Variants in NEUROD1 observed in about 807,000 individuals in gnomAD.
NEUROD1 encodes neuronal differentiation 1, also known as neurogenic differentiation factor 1.
NEUROD1 carries 9 observed loss-of-function variants against 21.8 expected under a neutral mutation model. The observed-to-expected ratio is 0.41, with a 90% CI of 0.25 to 0.72. NEUROD1 has a LOEUF of 0.72. NEUROD1 is among the 30% of genes least tolerant of loss of function. The pLI is 0.31. For synonymous variants in NEUROD1, 199 were observed against 186.2 expected (o/e 1.07, Z -0.56); for missense variants, 434 against 468.8 (o/e 0.93, Z 0.69).
At chr2:181,674,222 C>G (rs1318715851), downstream of NEUROD1, among the ~76,000 whole-genome samples, 1 of 152,082 alleles carries the variant, frequency 6.6e-6, no homozygotes, top group Non-Finnish European at 1.5e-5. Flanking sequence ...ACAAGTATAC[C>G]TAAGCATCTT....
rs374172497 is a variant in NEUROD1 at position 181,677,112 on chromosome 2, ATTTTTTTTTTTTTTTTTTT to A, written c.*659_*677del. On this transcript the variant is annotated 3_prime_UTR_variant, in exon 2 of 2. Transcript: ENST00000295108. ...TGAAATGAATTGCTCAAATTGTGCAATTTTTTTTTTTTTTTTTTTTTTTTTTTTTTTTTTACAATTGGAG... is the reference window on the plus strand; with the variant it reads ...TGAAATGAATTGCTCAAATTGTGCAATTTTTTTTTTTTTTTACAATTGGAG... 3 of 49,406 alleles carry A rather than the reference ATTTTTTTTTTTTTTTTTTT, an allele frequency of 6.1e-5. No homozygotes were observed. Among genetic ancestry groups the A allele is most frequent in the Non-Finnish European group, 1.1e-4 (3 of 26,732 alleles). The allele number at this position is 49,406 out of a possible 1,614,324, so 3.1% of individuals were successfully genotyped here.
chr2:181,676,751 A>G lies in NEUROD1; in HGVS notation c.*1039T>C, dbSNP rs1382904131. The G allele has an allele frequency of 6.6e-6, 1 of 152,630 alleles. No individual in the cohort carries two copies. Among genetic ancestry groups the G allele is most frequent in the Admixed American group, 6.5e-5 (1 of 15,282 alleles). 9.5% of individuals were successfully genotyped at this position (152,630 alleles called of 1,614,324 possible). ...GATTAGATTTAGGCTCAGATTTATT[A>G]CATGAATATATGACAAACCACCATT... On this transcript the variant is annotated 3_prime_UTR_variant, in exon 2 of 2. Transcript: ENST00000295108.
chr2:181,670,158 C>T (rs1229444927), downstream of NEUROD1, among the ~76,000 whole-genome samples: 2 of 152,116 alleles, frequency 1.3e-5, no homozygotes, highest in African/African-American at 4.8e-5. Flanking sequence ...ATAAATATGA[C>T]ATTTTCTTCA....
At chr2:181,669,094 C>T (rs1210689166), downstream of NEUROD1, among the ~76,000 whole-genome samples, 1 of 152,128 alleles carries the variant, frequency 6.6e-6, no homozygotes, top group Non-Finnish European at 1.5e-5. Context: ...CTTCTACCCT[C>T]CACTCTACCC....
intron 1 of NEUROD1, among the ~76,000 whole-genome samples, chr2:181,679,900 CCT>C (rs1396449161): frequency 1.3e-5 from 2 of 152,152 alleles, no homozygotes; most frequent in Non-Finnish European, 2.9e-5. Context: ...GGAGTGAGTC[CCT>C]CTCCCTTTCT....
rs1283140976 is a variant in NEUROD1, at chr2:181,677,667, A to G, written c.*123T>C. ...AGTAATGACAATAAATACATATATC[A>G]CTTGAAGCTTGGAGTATTTGCACTT... On this transcript the variant is annotated 3_prime_UTR_variant, in exon 2 of 2. Transcript: ENST00000295108. 6.4e-7 allele frequency: 1 copy of G among 1,554,000 alleles called. No individual in the cohort carries two copies. Among genetic ancestry groups the G allele is most frequent in the Admixed American group, 1.7e-5 (1 of 59,122 alleles).
At chr2:181,671,019 ATG>A (rs150472375) in exon 2 of NEUROD1, among the ~76,000 whole-genome samples, 108 of 131,138 alleles carry the variant, frequency 8.2e-4, no homozygotes, top group East Asian at 3.9e-3. Context: ...AGTATAGCAT[ATG>A]TGTGCACACA....
At position 181,676,703 on chromosome 2, in the gene NEUROD1, A is replaced by G. The variant is rs1406898296; in HGVS notation, c.*1087T>C. 1.3e-5 allele frequency: 2 copies of G among 152,638 alleles called. No individual in the cohort carries two copies. Among genetic ancestry groups the G allele is most frequent in the Non-Finnish European group, 2.9e-5 (2 of 68,004 alleles). The allele number at this position is 152,638 out of a possible 1,614,324, so 9.5% of individuals were successfully genotyped here. On this transcript the variant is annotated 3_prime_UTR_variant, in exon 2 of 2. Transcript: ENST00000295108. ...ACTGTACTAATTGACTACTATAGATATAAATCCCAACATTAACAACCTGAT... is the reference window on the plus strand; with the variant it reads ...ACTGTACTAATTGACTACTATAGATGTAAATCCCAACATTAACAACCTGAT...
At chr2:181,673,263 T>C (rs1688522218), downstream of NEUROD1, 1 of 152,216 alleles carries the variant, frequency 6.6e-6, no homozygotes, top group Non-Finnish European at 1.5e-5. Flanking sequence ...CCTTAGTGTA[T>C]GTGAAGAGAG....
chr2:181,671,690 C>T (rs1328482340), downstream of NEUROD1, among the ~76,000 whole-genome samples: 1 of 152,148 alleles, frequency 6.6e-6, no homozygotes, highest in Non-Finnish European at 1.5e-5. Flanking sequence ...ATTGGCCTCT[C>T]AAAAGTGCTG....
chr2:181,678,480 C>T lies in NEUROD1; in HGVS notation c.381G>A (p.Val127=). 1.9e-6 allele frequency: 3 copies of T among 1,614,238 alleles called. No individual in the cohort carries two copies. Among genetic ancestry groups the T allele is most frequent in the Non-Finnish European group, 2.5e-6 (3 of 1,180,042 alleles). ...TCTGCGTCTTAGAATAGCAAGGCACCACCTTGCGCAGGTTGTCTAGCGCCG... is the reference window on the plus strand; with the variant it reads ...TCTGCGTCTTAGAATAGCAAGGCACTACCTTGCGCAGGTTGTCTAGCGCCG... ...LNAALDNLRK[V]VPCYSKTQKL... is the part of the protein sequence containing the mutation. The change falls in exon 2 of 2, where the codon GTG becomes GTA. Residue 127 remains valine (V), a synonymous_variant. Coordinates refer to ENST00000295108, the MANE Select transcript of NEUROD1 (RefSeq NM_002500.5). The surrounding 1 kb of genome is among the most constrained non-coding windows in gnomAD (Gnocchi z 5.5).
rs561017686 is a variant in NEUROD1 at position 181,678,138 on chromosome 2, G to A, written c.723C>T (p.His241=). The part of the protein sequence containing the change: ...YGTMDSSHVF[H]VKPPPHAYSA... ...TGTAGGCGTGCGGCGGAGGCTTAAC[G>A]TGGAAGACATGGGAGCTGTCCATGG... The change falls in exon 2 of 2, where the codon CAC becomes CAT. Residue 241 remains histidine (H), a synonymous_variant. Transcript: ENST00000295108. This position sits in a 1 kb window ranked among gnomAD's most constrained non-coding sequence, Gnocchi z 5.5. 4 of 1,614,070 alleles carry A rather than the reference G, an allele frequency of 2.5e-6. 1 individual carries two copies. In the African/African-American group the frequency reaches 5.3e-5, roughly 22 times the overall value.
In NEUROD1 at chr2:181,678,586, G is replaced by A. The variant is rs1553529392; in HGVS notation, c.275C>T (p.Thr92Ile). 4 of 1,614,236 alleles carry A rather than the reference G, an allele frequency of 2.5e-6. No individual in the cohort carries two copies. The highest frequency in any genetic ancestry group is 3.4e-6 in the Non-Finnish European group (4 of 1,180,036). ...TTTAAAACGCTCCAGGCGAGCCTTA[G>A]TCATCTTCTTCTTTTTGGGGCCGCG... Reference protein sequence around the residue: ...KRRGPKKKKMTKARLERFKLR... With the variant: ...KRRGPKKKKMIKARLERFKLR... Residue 92 changes from threonine to isoleucine, a missense_variant, in exon 2 of 2, where the codon ACT becomes ATT. Transcript: ENST00000295108. This position sits in a 1 kb window ranked among gnomAD's most constrained non-coding sequence, Gnocchi z 5.5.
Position 181,676,879 on chromosome 2 carries a change from A to G in NEUROD1, c.*911T>C, listed in dbSNP as rs924852880. On this transcript the variant is annotated 3_prime_UTR_variant, in exon 2 of 2. Transcript: ENST00000295108. ...AATGCAAAGGAGTAAAAGACTAAAAAGTAACAGTGCAAATTGTATGTGATA... is the reference window on the plus strand; with the variant it reads ...AATGCAAAGGAGTAAAAGACTAAAAGGTAACAGTGCAAATTGTATGTGATA... The G allele has an allele frequency of 6.6e-6, 1 of 152,616 alleles. No homozygotes were observed. The highest frequency in any genetic ancestry group is 1.5e-5 in the Non-Finnish European group (1 of 68,000). The allele number at this position is 152,616 out of a possible 1,614,324, so 9.5% of individuals were successfully genotyped here.
At position 181,678,107 on chromosome 2, in the gene NEUROD1, CTGCGCTGTAGGCG is replaced by C; in HGVS notation, c.741_753del (p.His247GlnfsTer11). 6.2e-7 allele frequency: 1 copy of C among 1,614,180 alleles called. No homozygotes were observed. Among genetic ancestry groups the C allele is most frequent in the Non-Finnish European group, 8.5e-7 (1 of 1,180,040 alleles). On this transcript the variant is annotated frameshift_variant, in exon 2 of 2. Coordinates refer to ENST00000295108, the MANE Select transcript of NEUROD1 (RefSeq NM_002500.5). LOFTEE classifies it high-confidence loss of function. The surrounding 1 kb of genome is among the most constrained non-coding windows in gnomAD (Gnocchi z 5.5). ...GGGCTTTCAAAGAAGGGCTCCAGCGCTGCGCTGTAGGCGTGCGGCGGAGGCTTAACGTGGAAGA... is the reference window on the plus strand; with the variant it reads ...GGGCTTTCAAAGAAGGGCTCCAGCGCTGCGGCGGAGGCTTAACGTGGAAGA...
chr2:181,671,025 G>GCA (rs71004600), exon 2 of NEUROD1, among the ~76,000 whole-genome samples: 18,552 of 146,516 alleles, frequency 0.13, 1,390 homozygotes, highest in Non-Finnish European at 0.18. Flanking sequence ...GCATATGTGT[G>GCA]CACACACACA....
rs200171909 is a variant in NEUROD1 at position 181,677,746 on chromosome 2, G to A, written c.*44C>T. 42 of 1,613,642 alleles carry A rather than the reference G, an allele frequency of 2.6e-5. No individual in the cohort carries two copies. Among genetic ancestry groups the A allele is most frequent in the Middle Eastern group, 1.7e-4 (1 of 6,036 alleles). On this transcript the variant is annotated 3_prime_UTR_variant, in exon 2 of 2. Coordinates refer to ENST00000295108, the MANE Select transcript of NEUROD1 (RefSeq NM_002500.5). ...TTTGTAAACACGACAGTCACTGTAA[G>A]CACAGTGGGTTCGTTTCCCGGAAAT...
At chr2:181,680,022 C>T (rs999869732) in intron 1 of NEUROD1, among the ~76,000 whole-genome samples, 1 of 152,194 alleles carries the variant, frequency 6.6e-6, no homozygotes, top group Non-Finnish European at 1.5e-5. Context: ...CAGCTTGACA[C>T]TCCCAATGTG....
At position 181,678,964 on chromosome 2, in the gene NEUROD1, C is replaced by G; in HGVS notation, c.-11-93G>C. 1 of 1,481,318 alleles carries G rather than the reference C, an allele frequency of 6.8e-7. No individual in the cohort carries two copies. Among genetic ancestry groups the G allele is most frequent in the Non-Finnish European group, 9.3e-7 (1 of 1,080,482 alleles). 91.8% of individuals were successfully genotyped at this position (1,481,318 alleles called of 1,614,324 possible). ...CGCCTTCAGCTTCCACTCCCTAAACCTGTACAAATGCTTGCGAAAAGTACC... is the reference window on the plus strand; with the variant it reads ...CGCCTTCAGCTTCCACTCCCTAAACGTGTACAAATGCTTGCGAAAAGTACC... On this transcript the variant is annotated intron_variant, in intron 1 of 1. Coordinates refer to ENST00000295108, the MANE Select transcript of NEUROD1 (RefSeq NM_002500.5). This position sits in a 1 kb window ranked among gnomAD's most constrained non-coding sequence, Gnocchi z 5.5.
Sources: allele counts gnomAD v4.1 joint callset (sites outside exome capture counted in the v4.1 genomes callset), GRCh38; gene constraint gnomAD v4.1.1; non-coding constraint Gnocchi (gnomAD v3.1); transcripts MANE v1.5; gene names NCBI Gene and HGNC (gene_info 2026-07-23, HGNC 2026-07-21).